Variants in NBPF26 observed in about 807,000 individuals in gnomAD.
The protein encoded by NBPF26 is NBPF member 26.
In NBPF26, 79 loss-of-function variants were observed where a neutral mutation model predicts 119.6. That is an observed-to-expected ratio of 0.66 (90% confidence interval 0.55 to 0.80). NBPF26 has a LOEUF of 0.80. NBPF26 is among the 30% of genes least tolerant of loss of function. The pLI, the probability that NBPF26 is intolerant of heterozygous loss-of-function variation, is 0.00. For synonymous variants in NBPF26, 299 were observed against 457.7 expected (o/e 0.65, Z 4.43); for missense variants, 800 against 1,198.2 (o/e 0.67, Z 4.91).
rs1431832969 is a variant in NBPF26, at chr1:120,812,996, G to A, written c.1775-895G>A. Among the ~76,000 whole-genome samples the A allele has an allele frequency of 3.3e-4, 39 of 119,072 alleles. 4 individuals carry two copies. Among genetic ancestry groups the A allele is most frequent in the Non-Finnish European group, 5.2e-4 (32 of 61,092 alleles). 78.1% of individuals were successfully genotyped at this position (119,072 alleles called of 152,430 possible). On this transcript the variant is annotated intron_variant, in intron 10 of 29. Transcript: ENST00000620612. ...AATAAAAAGCAGAGAGTAGCTTGGT[G>A]AGAGTGAAGTCCTGCTTCCTGGGGC...
In NBPF26 at chr1:120,756,023, A is replaced by G. The variant is rs1310526849; in HGVS notation, c.74-7605A>G. Among the ~76,000 whole-genome samples the G allele has an allele frequency of 1.6e-4, 18 of 110,962 alleles. 1 individual carries two copies. The highest frequency in any genetic ancestry group is 2.7e-4 in the South Asian group (1 of 3,758). 72.8% of individuals were successfully genotyped at this position (110,962 alleles called of 152,430 possible). On this transcript the variant is annotated intron_variant, in intron 1 of 29. Coordinates refer to ENST00000620612, the Ensembl canonical transcript of NBPF26. ...CTCCACTTCGTTTTTATTTAAATGT[A>G]CCACTTGGGATTTGAAGCTTCCGCA...
At chr1:120,816,346 G>A (rs1652006552) in intron 13 of NBPF26, among the ~76,000 whole-genome samples, 189 bp downstream of exon 13, 2 of 114,658 alleles carry the variant, frequency 1.7e-5, no homozygotes, top group South Asian at 5.3e-4. Flanking sequence ...CGAGTGTCAT[G>A]TCTGCACCGT....
chr1:120,804,702 A>G (rs1262432648), intron 4 of NBPF26, among the ~76,000 whole-genome samples: 4 of 117,896 alleles, frequency 3.4e-5, no homozygotes, highest in Admixed American at 8.1e-5. Flanking sequence ...ATCAACCCAC[A>G]TAGAGGAAGA....
Position 120,754,966 on chromosome 1 carries a change from TA to T in NBPF26, c.74-8661del, listed in dbSNP as rs1184553500. Among the ~76,000 whole-genome samples the T allele has an allele frequency of 2.2e-3, 285 of 127,624 alleles. 5 individuals carry two copies. The highest frequency in any genetic ancestry group is 8.5e-3 in the African/African-American group (282 of 33,274). 83.7% of individuals were successfully genotyped at this position (127,624 alleles called of 152,430 possible). On this transcript the variant is annotated intron_variant, in intron 1 of 29. Transcript: ENST00000620612. ...GCAAGCTGAAGGTTGGGTTTATTCA[TA>T]GGTTTTGTCTTAATTATAGATATTT...
At chr1:120,811,914 C>G in exon 10 of NBPF26, 2 of 1,078,518 alleles carry the variant, frequency 1.9e-6, no homozygotes, top group Non-Finnish European at 2.7e-6. Flanking sequence ...CTGCCACAAA[C>G]GTCAGCATGG....
chr1:120,808,147 G>T (rs1169098628), intron 6 of NBPF26, among the ~76,000 whole-genome samples: 15 of 116,420 alleles, frequency 1.3e-4, no homozygotes, highest in Non-Finnish European at 1.7e-5. Flanking sequence ...TTTTCAATTC[G>T]CCCCATCTGC....
rs1293695023 is a variant in NBPF26, at chr1:120,750,833, G to GT, written c.74-12789dup. Among the ~76,000 whole-genome samples, 7 of 105,330 alleles carry GT rather than the reference G, an allele frequency of 6.6e-5. 3 individuals carry two copies. The highest frequency in any genetic ancestry group is 2.4e-4 in the African/African-American group (4 of 16,490). The allele number at this position is 105,330 out of a possible 152,430, so 69.1% of individuals were successfully genotyped here. A position where few individuals can be genotyped will look rare whatever the true frequency, so the allele number is the denominator to read the frequency against. The stretch of plus-strand genomic sequence containing the variant: ...GGGGAGGATACTAGATTTATTTAGT[G>GT]TTTTTTAATATAAAACTTTGTATTT... On this transcript the variant is annotated intron_variant, in intron 1 of 29. Transcript: ENST00000620612.
Position 120,805,577 on chromosome 1 carries a change from C to T in NBPF26, c.773C>T (p.Ala258Val). ...CCAGTCCCTGACTCCACCTCTTCTG[C>T]CACAAACGTCAGCATGGTGGTATCA... is the stretch of plus-strand genomic sequence containing the variant. Residue 258 changes from alanine (A) to valine (V), a missense_variant, in exon 5 of 30, where the codon GCC (alanine) becomes GTC (valine). By Grantham distance (64) the Ala-to-Val change is moderately conservative. Around this residue, in one of 13 missense-constraint regions of NBPF26, gnomAD observed 155 missense variants for 143.7 expected, o/e 1.08. Coordinates refer to ENST00000620612, the Ensembl canonical transcript of NBPF26. 1.4e-6 allele frequency: 2 copies of T among 1,447,804 alleles called. 1 individual carries two copies. Among genetic ancestry groups the T allele is most frequent in the South Asian group, 2.4e-5 (2 of 84,118 alleles). The allele number at this position is 1,447,804 out of a possible 1,614,324, so 89.7% of individuals were successfully genotyped here.
At chr1:120,737,747 A>T (rs1324854285) in intron 1 of NBPF26, among the ~76,000 whole-genome samples, 1 of 125,534 alleles carries the variant, frequency 8.0e-6, no homozygotes, top group East Asian at 2.0e-4. Context: ...TCAGAATTGG[A>T]TTAGCCTGGA....
At position 120,811,275 on chromosome 1, in the gene NBPF26, G is replaced by C. The variant is rs1553270939; in HGVS notation, c.1565-611G>C. ...AAAAAAAAAGTCTCTGACCAGGGGC[G>C]CTGGCTCACATCTTAATCCCAACAC... On this transcript the variant is annotated intron_variant, in intron 9 of 29. Coordinates refer to ENST00000620612, the Ensembl canonical transcript of NBPF26. Among the ~76,000 whole-genome samples the C allele has an allele frequency of 3.8e-5, 4 of 105,258 alleles. 1 individual carries two copies. Among genetic ancestry groups the C allele is most frequent in the Non-Finnish European group, 7.2e-5 (4 of 55,192 alleles). The allele number at this position is 105,258 out of a possible 152,430, so 69.1% of individuals were successfully genotyped here. A position where few individuals can be genotyped will look rare whatever the true frequency, so the allele number is the denominator to read the frequency against.
Position 120,778,307 on chromosome 1 carries a change from G to T in NBPF26, c.156-6667G>T, listed in dbSNP as rs1322442802. ...GGGCAGGCTGCCACTGCGGATTGGGGGGCCAAGAGGCCCAGCGCAAGAAGA... is the reference window on the plus strand; with the variant it reads ...GGGCAGGCTGCCACTGCGGATTGGGTGGCCAAGAGGCCCAGCGCAAGAAGA... On this transcript the variant is annotated intron_variant, in intron 2 of 29. Transcript: ENST00000620612. Among the ~76,000 whole-genome samples the T allele has an allele frequency of 1.2e-4, 8 of 69,480 alleles. 1 individual carries two copies. The African/African-American group carries it at 1.2e-3, about 10-fold the overall frequency. The allele number at this position is 69,480 out of a possible 152,430, so 45.6% of individuals were successfully genotyped here.
intron 18 of NBPF26, among the ~76,000 whole-genome samples, chr1:120,825,246 C>T (rs1308105881): frequency 4.1e-5 from 5 of 122,640 alleles, no homozygotes; most frequent in African/African-American, 2.3e-4. Flanking sequence ...TCAGAGTGTC[C>T]TTTGACCCCT....
At position 120,728,879 on chromosome 1, in the gene NBPF26, G is replaced by A. The variant is rs1336687696; in HGVS notation, c.73+4629G>A. ...CTGACAAAAACTAAAGGTGAAATAT[G>A]ATGAATAAATACTTGAGAGAATCAC... On this transcript the variant is annotated intron_variant, in intron 1 of 29. Transcript: ENST00000620612. Among the ~76,000 whole-genome samples the A allele has an allele frequency of 4.6e-5, 5 of 108,636 alleles. 2 individuals are homozygous for A. The highest frequency in any genetic ancestry group is 8.6e-5 in the Non-Finnish European group (5 of 58,380). 71.3% of individuals were successfully genotyped at this position (108,636 alleles called of 152,430 possible). A position where few individuals can be genotyped will look rare whatever the true frequency, so the allele number is the denominator to read the frequency against.
rs1324611368 is a variant in NBPF26, at chr1:120,770,708, A to G, written c.155+6999A>G. Among the ~76,000 whole-genome samples, 4 of 119,802 alleles carry G rather than the reference A, an allele frequency of 3.3e-5. 1 individual carries two copies. The highest frequency in any genetic ancestry group is 6.5e-5 in the Non-Finnish European group (4 of 61,554). The allele number at this position is 119,802 out of a possible 152,430, so 78.6% of individuals were successfully genotyped here. A position where few individuals can be genotyped will look rare whatever the true frequency, so the allele number is the denominator to read the frequency against. ...CCCATCACTCTGTAGCTAACCTGAG[A>G]TATACTCGTGGAAAATGTACTGTCA... On this transcript the variant is annotated intron_variant, in intron 2 of 29. Transcript: ENST00000620612.
At position 120,793,674 on chromosome 1, in the gene NBPF26, G is replaced by A. The variant is rs1269229021; in HGVS notation, c.751+178G>A. ...GGGCCCACTGTGGTCCATAAACTGA[G>A]CAGGGGATAATTTAGCATGTCAGGG... is the stretch of plus-strand genomic sequence containing the variant. On this transcript the variant is annotated intron_variant, in intron 4 of 29. Coordinates refer to ENST00000620612, the Ensembl canonical transcript of NBPF26. 4 of 617,636 alleles carry A rather than the reference G, an allele frequency of 6.5e-6. 1 individual carries two copies. The African/African-American group carries it at 1.2e-4, about 18-fold the overall frequency. The allele number at this position is 617,636 out of a possible 1,614,324, so 38.3% of individuals were successfully genotyped here. A position where few individuals can be genotyped will look rare whatever the true frequency, so the allele number is the denominator to read the frequency against.
At chr1:120,745,134 CAAA>C (rs1287143211) in intron 1 of NBPF26, among the ~76,000 whole-genome samples, 1 of 82,298 alleles carries the variant, frequency 1.2e-5, no homozygotes, top group Non-Finnish European at 2.2e-5. Flanking sequence ...AAAAAAAAAA[CAAA>C]AAAAAAACAA....
Position 120,728,432 on chromosome 1 carries a change from A to G in NBPF26, c.73+4182A>G, listed in dbSNP as rs1650839204. Among the ~76,000 whole-genome samples, 2 of 111,372 alleles carry G rather than the reference A, an allele frequency of 1.8e-5. 1 individual carries two copies. Among genetic ancestry groups the G allele is most frequent in the African/African-American group, 1.1e-4 (2 of 18,070 alleles). 73.1% of individuals were successfully genotyped at this position (111,372 alleles called of 152,430 possible). A position where few individuals can be genotyped will look rare whatever the true frequency, so the allele number is the denominator to read the frequency against. On this transcript the variant is annotated intron_variant, in intron 1 of 29. Coordinates refer to ENST00000620612, the Ensembl canonical transcript of NBPF26. ...CCCAGATGTTTCATTTAAACTTGTA[A>G]TTTTGAATTTCTTTGTGTGTGGGGT...
At chr1:120,816,596 C>G in intron 13 of NBPF26, 26 bp from the exon 14 acceptor site, 1 of 842,870 alleles carries the variant, frequency 1.2e-6, no homozygotes, top group Non-Finnish European at 1.7e-6. Flanking sequence ...AATCTTCTGT[C>G]ATCTCTGTCC....
At position 120,770,633 on chromosome 1, in the gene NBPF26, A is replaced by T. The variant is rs1384952054; in HGVS notation, c.155+6924A>T. 7.7e-4 allele frequency among the ~76,000 whole-genome samples: 94 copies of T among 121,378 alleles called. 9 individuals carry two copies. Among genetic ancestry groups the T allele is most frequent in the African/African-American group, 3.9e-3 (86 of 21,840 alleles). 79.6% of individuals were successfully genotyped at this position (121,378 alleles called of 152,430 possible). The stretch of plus-strand genomic sequence containing the variant: ...ATGTATTTACTTTAGTCCTCATGTG[A>T]GAGAGAGACTATATGGAAGCTAAGA... On this transcript the variant is annotated intron_variant, in intron 2 of 29. Coordinates refer to ENST00000620612, the Ensembl canonical transcript of NBPF26.
Sources: gnomAD v4.1 joint callset for allele counts (sites outside exome capture counted in the v4.1 genomes callset) on GRCh38, gnomAD v4.1.1 for gene constraint, gnomAD v4.1.1 regional missense constraint, MANE v1.5 for transcripts, NCBI Gene and HGNC (gene_info 2026-07-23, HGNC 2026-07-21) for gene names.